The following SNRPN variants were observed in gnomAD, a reference collection of about 807,000 sequenced individuals.
SNRPN encodes small nuclear ribonucleoprotein-associated protein N.
A neutral mutation model predicts 25.2 loss-of-function variants in SNRPN; 7 were observed. The observed-to-expected ratio is 0.28, with a 90% CI of 0.16 to 0.52. The LOEUF (loss-of-function observed/expected upper bound fraction) is 0.52, where lower values mean the gene tolerates loss of function less well. SNRPN is among the 20% of genes least tolerant of loss of function. SNRPN has a pLI of 0.96. For synonymous variants in SNRPN, 124 were observed against 110.6 expected, an observed-to-expected ratio of 1.12 and a Z score of -0.76; for missense variants, 196 against 322.5, an observed-to-expected ratio of 0.61 and a Z score of 3.00.
chr15:24,897,404 G>A (rs571695106), intron 2 of SNRPN, among the ~76,000 whole-genome samples: 20 of 152,274 alleles, frequency 1.3e-4, no homozygotes, highest in African/African-American at 4.3e-4. Flanking sequence ...CCTGAGCAAC[G>A]TAGCAAGACC....
chr15:24,888,112 C>CTTT lies in SNRPN; in HGVS notation c.-505+1535_-505+1537dup, dbSNP rs113183574. On this transcript the variant is annotated intron_variant, in intron 2 of 11. Transcript: ENST00000400097. ...AAAATGACAAATATATTAGAAATGACTTTTTTTTTTTTTTGAGATGTAGTC... is the reference window on the plus strand; with the variant it reads ...AAAATGACAAATATATTAGAAATGACTTTTTTTTTTTTTTTTTGAGATGTAGTC... 3.6e-5 allele frequency among the ~76,000 whole-genome samples: 5 copies of CTTT among 139,896 alleles called. 1 individual carries two copies. The highest frequency in any genetic ancestry group is 1.0e-4 in the African/African-American group (4 of 38,476). 91.8% of individuals were successfully genotyped at this position (139,896 alleles called of 152,430 possible). A position where few individuals can be genotyped will look rare whatever the true frequency, so the allele number is the denominator to read the frequency against.
At chr15:24,927,976 A>T (rs2060529879) in intron 3 of SNRPN, among the ~76,000 whole-genome samples, 1 of 152,198 alleles carries the variant, frequency 6.6e-6, no homozygotes, top group African/African-American at 2.4e-5. Flanking sequence ...TTATGGCTAA[A>T]CCATTCTTTC....
intron 2 of SNRPN, among the ~76,000 whole-genome samples, chr15:24,963,863 C>T (rs984554990): frequency 2.8e-4 from 43 of 151,790 alleles, no homozygotes; most frequent in African/African-American, 9.7e-4. Flanking sequence ...AGAGAGACCT[C>T]CTCTCTACAG....
Position 24,978,468 on chromosome 15 carries a change from A to T in SNRPN, c.*24A>T, listed in dbSNP as rs369397502. 10 of 1,608,964 alleles carry T rather than the reference A, an allele frequency of 6.2e-6. No homozygotes were observed. The African/African-American group carries it at 1.3e-4, about 22-fold the overall frequency. On this transcript the variant is annotated 3_prime_UTR_variant, in exon 10 of 10. Coordinates refer to ENST00000390687, the MANE Select transcript of SNRPN (RefSeq NM_003097.6). Reference sequence around the variant, plus strand: ...AGCATACTGTTGATCCATCTCAGTCACTTTTTCCCCTGCAATGCGTCTTGT... The same window carrying T: ...AGCATACTGTTGATCCATCTCAGTCTCTTTTTCCCCTGCAATGCGTCTTGT...
At chr15:24,938,290 C>G (rs936894586) in intron 3 of SNRPN, among the ~76,000 whole-genome samples, 1 of 152,034 alleles carries the variant, frequency 6.6e-6, no homozygotes, top group Non-Finnish European at 1.5e-5. Flanking sequence ...ACACACCAGG[C>G]GAACTTTTTA....
chr15:24,909,477 C>G, intron 2 of SNRPN: 2 of 1,572,954 alleles, frequency 1.3e-6, no homozygotes, highest in South Asian at 2.2e-5. Flanking sequence ...TAGATCTTGT[C>G]CATGCCAAAC....
At chr15:24,956,951 A>C (rs1314367497) in intron 1 of SNRPN, among the ~76,000 whole-genome samples, 1 of 152,198 alleles carries the variant, frequency 6.6e-6, no homozygotes, top group Non-Finnish European at 1.5e-5. Context: ...CTGTTTCAGC[A>C]AGCCTCCATT....
rs61039873 is a variant in SNRPN, at chr15:24,884,148, C to CAAAAAAAAAAAAAAA, written c.-578-2366_-578-2352dup. Among the ~76,000 whole-genome samples, 127 of 104,800 alleles carry CAAAAAAAAAAAAAAA rather than the reference C, an allele frequency of 1.2e-3. 6 individuals are homozygous for CAAAAAAAAAAAAAAA. The highest frequency in any genetic ancestry group is 3.1e-3 in the African/African-American group (81 of 25,882). 68.8% of individuals were successfully genotyped at this position (104,800 alleles called of 152,430 possible). A position where few individuals can be genotyped will look rare whatever the true frequency, so the allele number is the denominator to read the frequency against. ...GCAACATGGCATAACCCTGCCTCTA[C>CAAAAAAAAAAAAAAA]AAAAAAAAAAAAAAAAGATCTATAT... On this transcript the variant is annotated intron_variant, in intron 1 of 11. Coordinates refer to the SNRPN transcript ENST00000400097.
chr15:24,924,649 CTT>C (rs774430880), intron 3 of SNRPN, among the ~76,000 whole-genome samples: 2 of 145,324 alleles, frequency 1.4e-5, no homozygotes, highest in Non-Finnish European at 3.0e-5. Context: ...TGCCCGGCTA[CTT>C]TTTTTTTTTT....
chr15:24,894,946 G>A (rs2057977702), intron 2 of SNRPN, among the ~76,000 whole-genome samples: 1 of 152,188 alleles, frequency 6.6e-6, no homozygotes, highest in Admixed American at 6.5e-5. Context: ...TTTACTGTAT[G>A]TTTTATGTAA....
chr15:24,856,562 G>C (rs1251947265), exon 1 of SNRPN: 1 of 152,272 alleles, frequency 6.6e-6, no homozygotes, highest in Non-Finnish European at 1.5e-5. Flanking sequence ...GCTGAGCTCA[G>C]AGCCTTCTGT....
At chr15:24,839,734 C>A (rs901890477) in intron 2 of SNRPN, among the ~76,000 whole-genome samples, 1 of 152,126 alleles carries the variant, frequency 6.6e-6, no homozygotes, top group Non-Finnish European at 1.5e-5. Context: ...CCATGCCACA[C>A]CATCAGCAGG....
At chr15:24,910,930 G>T in intron 2 of SNRPN, 1 of 750,832 alleles carries the variant, frequency 1.3e-6, no homozygotes, top group Non-Finnish European at 2.3e-6. Flanking sequence ...CCTCCTGTAG[G>T]CTGGCAGAGG....
At chr15:24,901,367 A>G (rs189071399) in intron 2 of SNRPN, among the ~76,000 whole-genome samples, 20 of 152,220 alleles carry the variant, frequency 1.3e-4, no homozygotes, top group African/African-American at 4.3e-4. Flanking sequence ...GATGAGAAGC[A>G]TACTTAGAGT....
At chr15:24,867,595 C>G (rs12595591) in intron 1 of SNRPN, among the ~76,000 whole-genome samples, 1 of 151,164 alleles carries the variant, frequency 6.6e-6, no homozygotes, top group Non-Finnish European at 1.5e-5. Context: ...AGGATGGTCC[C>G]GATCTCCTGA....
At position 24,888,635 on chromosome 15, in the gene SNRPN, T is replaced by C. The variant is rs374589224; in HGVS notation, c.-505+2046T>C. 1.9e-3 allele frequency among the ~76,000 whole-genome samples: 293 copies of C among 152,264 alleles called. 2 individuals carry two copies. Among genetic ancestry groups the C allele is most frequent in the South Asian group, 0.015 (73 of 4,826 alleles). ...GCTGCATTCAGTCCCTTTCTTGGTA[T>C]GGTAAAAGCATCAATCAGCCAGGGA... On this transcript the variant is annotated intron_variant, in intron 2 of 11. Coordinates refer to the SNRPN transcript ENST00000400097.
chr15:24,911,973 A>G (rs2059245375), intron 2 of SNRPN, among the ~76,000 whole-genome samples: 1 of 152,216 alleles, frequency 6.6e-6, no homozygotes, highest in Admixed American at 6.5e-5. Flanking sequence ...TCCAGCAGTC[A>G]TGGCAGCAGG....
chr15:24,870,259 A>G (rs1353408739), intron 1 of SNRPN, among the ~76,000 whole-genome samples: 2 of 152,152 alleles, frequency 1.3e-5, no homozygotes, highest in South Asian at 2.1e-4. Context: ...TAAAACAAAG[A>G]TACAGACCCA....
intron 3 of SNRPN, among the ~76,000 whole-genome samples, chr15:24,927,757 C>A (rs2060518292): frequency 1.3e-5 from 2 of 151,906 alleles, no homozygotes; most frequent in African/African-American, 4.8e-5. Flanking sequence ...TATCAGTCTG[C>A]CATAATGTTT....
Sources: gnomAD v4.1 joint callset for allele counts (sites outside exome capture counted in the v4.1 genomes callset) on GRCh38, gnomAD v4.1.1 for gene constraint, MANE v1.5 for transcripts, NCBI Gene and HGNC (gene_info 2026-07-23, HGNC 2026-07-21) for gene names.